Variants in TRIM34 observed in about 807,000 individuals in gnomAD.
TRIM34 encodes tripartite motif containing 34.
TRIM34 carries 41 observed loss-of-function variants against 38.1 expected under a neutral mutation model. The ratio of observed to expected loss-of-function variants is 1.08; its 90% CI spans 0.84 to 1.40. The LOEUF is 1.40. TRIM34 is among the 40% of genes most tolerant of loss of function. The pLI, the probability that TRIM34 is intolerant of heterozygous loss-of-function variation, is 0.00. For synonymous variants in TRIM34, 200 were observed against 202.5 expected (o/e 0.99, Z 0.10); for missense variants, 556 against 571.4 (o/e 0.97, Z 0.27).
At chr11:5,625,556 G>A (rs1849175615) in intron 1 of TRIM34, among the ~76,000 whole-genome samples, 1 of 152,130 alleles carries the variant, frequency 6.6e-6, no homozygotes, top group Admixed American at 6.6e-5. Flanking sequence ...ACGGCCAGGG[G>A]TTGAAGTGGG....
chr11:5,620,212 C>T (rs1452119489), upstream of TRIM34, among the ~76,000 whole-genome samples: 3 of 112,210 alleles, frequency 2.7e-5, no homozygotes, highest in African/African-American at 1.1e-4. Flanking sequence ...GAGTCTCACT[C>T]TGTCGCCCAG....
chr11:5,635,496 T>A (rs1467890705), intron 4 of TRIM34, among the ~76,000 whole-genome samples: 1 of 152,124 alleles, frequency 6.6e-6, no homozygotes, highest in Admixed American at 6.5e-5. Flanking sequence ...GACCTCGTGG[T>A]CCGCCTGCCT....
chr11:5,643,125 A>ATTTT lies in TRIM34; in HGVS notation c.902-11_902-8dup, dbSNP rs745849246. On this transcript the variant is annotated intron_variant, in intron 7 of 7. Transcript: ENST00000429814. ...ATTATATTCATATACATATATATAT[A>ATTTT]TTTTTTTTTTTCTTGCAGTGGATGT... The ATTTT allele has an allele frequency of 1.5e-5, 15 of 974,554 alleles. No homozygotes were observed. In the African/African-American group the frequency reaches 2.1e-4, roughly 14 times the overall value. 60.4% of individuals were successfully genotyped at this position (974,554 alleles called of 1,614,324 possible).
At chr11:5,620,422 C>A, upstream of TRIM34, among the ~76,000 whole-genome samples, 1 of 151,520 alleles carries the variant, frequency 6.6e-6, no homozygotes. Context: ...AGACTGGACT[C>A]TAACTCCTGA....
chr11:5,624,521 A>G (rs533172193), upstream of TRIM34, among the ~76,000 whole-genome samples: 1 of 152,342 alleles, frequency 6.6e-6, no homozygotes, highest in African/African-American at 2.4e-5. Flanking sequence ...TCGAGGGACC[A>G]TGTGCAACCA....
chr11:5,641,984 AG>A (rs1397641041), intron 5 of TRIM34, among the ~76,000 whole-genome samples: 1 of 152,158 alleles, frequency 6.6e-6, no homozygotes, highest in Non-Finnish European at 1.5e-5. Flanking sequence ...TATCACAGTC[AG>A]GATCTACAGC....
At chr11:5,635,359 C>T (rs1216109596) in intron 4 of TRIM34, among the ~76,000 whole-genome samples, 2 of 151,464 alleles carry the variant, frequency 1.3e-5, no homozygotes, top group Admixed American at 6.6e-5. Context: ...AGGTTCACGC[C>T]ATTCTCCTGC....
Position 5,643,084 on chromosome 11 carries a change from A to C in TRIM34, c.902-60A>C, listed in dbSNP as rs1289238562. Reference sequence around the variant, plus strand: ...TACTCCATATCTGTCACCTAATCATATATATCACACAGATGATTATATTCA... The same window carrying C: ...TACTCCATATCTGTCACCTAATCATCTATATCACACAGATGATTATATTCA... On this transcript the variant is annotated intron_variant, in intron 7 of 7. Coordinates refer to ENST00000429814, the MANE Select transcript of TRIM34 (RefSeq NM_021616.6). 6 of 1,279,710 alleles carry C rather than the reference A, an allele frequency of 4.7e-6. No homozygotes were observed. In the East Asian group the frequency reaches 1.3e-4, roughly 29 times the overall value. 79.3% of individuals were successfully genotyped at this position (1,279,710 alleles called of 1,614,324 possible).
At chr11:5,627,615 C>A (rs1655467339) in intron 1 of TRIM34, among the ~76,000 whole-genome samples, 1 of 152,168 alleles carries the variant, frequency 6.6e-6, no homozygotes, top group Non-Finnish European at 1.5e-5. Context: ...GACCAGAACA[C>A]TACAGCTCTT....
At position 5,643,630 on chromosome 11, in the gene TRIM34, G is replaced by A; in HGVS notation, c.1388G>A (p.Cys463Tyr). The A allele has an allele frequency of 6.2e-7, 1 of 1,614,010 alleles. No homozygotes were observed. Among genetic ancestry groups the A allele is most frequent in the Non-Finnish European group, 8.5e-7 (1 of 1,179,978 alleles). Residue 463 changes from cysteine to tyrosine, a missense_variant, in exon 8 of 8, where the codon TGC (cysteine) becomes TAC (tyrosine). By Grantham distance (194) the Cys-to-Tyr change is radical. Coordinates refer to ENST00000429814, the MANE Select transcript of TRIM34 (RefSeq NM_021616.6). Reference protein sequence around the residue: ...GSLIYKFSKCCFSQPVYPYFN... With the variant: ...GSLIYKFSKCYFSQPVYPYFN... The stretch of plus-strand genomic sequence containing the variant: ...CTCATTTACAAGTTCTCTAAATGTT[G>A]CTTTTCTCAGCCTGTTTATCCATAT...
intron 4 of TRIM34, among the ~76,000 whole-genome samples, chr11:5,638,207 A>G (rs976120915): frequency 2.0e-5 from 3 of 152,240 alleles, no homozygotes; most frequent in Non-Finnish European, 4.4e-5. Flanking sequence ...TTTTTAGCAG[A>G]AAATAATATC....
intron 1 of TRIM34, among the ~76,000 whole-genome samples, chr11:5,629,169 C>T (rs1214294717): frequency 1.3e-5 from 2 of 152,122 alleles, no homozygotes; most frequent in African/African-American, 4.8e-5. Context: ...CCCAGCTACT[C>T]AGGAGACTGA....
intron 2 of TRIM34, among the ~76,000 whole-genome samples, chr11:5,633,197 G>T (rs1331187736): frequency 6.9e-6 from 1 of 144,008 alleles, no homozygotes; most frequent in African/African-American, 2.6e-5. Context: ...TCACCTGGGT[G>T]CAGGCGGACT....
intron 5 of TRIM34, among the ~76,000 whole-genome samples, chr11:5,641,746 A>T (rs745980051): frequency 2.6e-5 from 4 of 152,212 alleles, no homozygotes; most frequent in Non-Finnish European, 4.4e-5. Context: ...CTCCTATGGA[A>T]AAGTGTAGTC....
chr11:5,641,317 T>C, intron 5 of TRIM34, 128 bp downstream of exon 5: 1 of 1,552,152 alleles, frequency 6.4e-7, no homozygotes, highest in South Asian at 1.2e-5. Flanking sequence ...TATCGTTATC[T>C]TAAATTGCTG....
chr11:5,636,376 A>C (rs1849734562), intron 4 of TRIM34, among the ~76,000 whole-genome samples: 1 of 152,244 alleles, frequency 6.6e-6, no homozygotes, highest in Admixed American at 6.5e-5. Flanking sequence ...AAGAATAGGA[A>C]GTAATTGCTA....
At chr11:5,634,560 C>T in intron 3 of TRIM34, 71 bp from the exon 4 acceptor site, 1 of 1,316,074 alleles carries the variant, frequency 7.6e-7, no homozygotes, top group East Asian at 2.4e-5. Context: ...TCCCTACTGG[C>T]TCCTAATCCC....
At chr11:5,634,570 C>G in intron 3 of TRIM34, 61 bp from the exon 4 acceptor site, 3 of 1,485,968 alleles carry the variant, frequency 2.0e-6, no homozygotes, top group Non-Finnish European at 2.7e-6. Context: ...CTCCTAATCC[C>G]TTGCACAATA....
chr11:5,625,068 G>GGGA lies in TRIM34; in HGVS notation c.-78+11_-78+13dup, dbSNP rs2133903926. The GGGA allele has an allele frequency of 6.6e-6, 1 of 152,414 alleles. No homozygotes were observed. The highest frequency in any genetic ancestry group is 1.9e-4 in the East Asian group (1 of 5,174). 9.4% of individuals were successfully genotyped at this position (152,414 alleles called of 1,614,324 possible). ...ATTTCTGTTGCTCTGAAGGTGTGTG[G>GGGA]GGAGGTTTGTGGGGGGTAGAGGGTA... On this transcript the variant is annotated intron_variant, in intron 1 of 7. Transcript: ENST00000429814.
Sources: allele counts gnomAD v4.1 joint callset (sites outside exome capture counted in the v4.1 genomes callset), GRCh38; gene constraint gnomAD v4.1.1; transcripts MANE v1.5; gene names NCBI Gene and HGNC (gene_info 2026-07-23, HGNC 2026-07-21).